DAPK3: variants seen among roughly 807,000 people sequenced by gnomAD.
DAPK3 encodes death associated protein kinase 3.
In DAPK3, 24 loss-of-function variants were observed where a neutral mutation model predicts 30.6. That is an observed-to-expected ratio of 0.78 (90% CI 0.57 to 1.10). DAPK3 has a LOEUF of 1.10. Ranked by LOEUF, DAPK3 falls within the 50% of genes least tolerant of loss-of-function variation. DAPK3 has a pLI of 0.00. For synonymous variants in DAPK3, 341 were observed against 284.0 expected (o/e 1.20, Z -2.02); for missense variants, 629 against 657.3 (o/e 0.96, Z 0.47).
At chr19:3,968,466 T>C (rs916037202) in intron 2 of DAPK3, among the ~76,000 whole-genome samples, 25 of 150,446 alleles carry the variant, frequency 1.7e-4, no homozygotes, top group Admixed American at 3.3e-4. Context: ...CAGAATGAGA[T>C]AGTGTCAAGG....
Position 3,959,207 on chromosome 19 carries a change from T to C in DAPK3, c.1259A>G (p.Tyr420Cys). The change falls in exon 9 of 9, where the codon TAC becomes TGC. Residue 420 changes from tyrosine to cysteine, a missense_variant. Physicochemically the swap from Tyr to Cys is radical, Grantham distance 194. Transcript: ENST00000545797. Reference protein sequence around the residue: ...KRRFSRLENRYEALAKQVASE... With the variant: ...KRRFSRLENRCEALAKQVASE... The stretch of plus-strand genomic sequence containing the variant: ...GGCTACTTGCTTGGCCAGCGCCTCG[T>C]AGCGGTTCTCCAGGCGGCTGAAGCG... 6 of 1,600,612 alleles carry C rather than the reference T, an allele frequency of 3.7e-6. No individual in the cohort carries two copies. The highest frequency in any genetic ancestry group is 5.1e-6 in the Non-Finnish European group (6 of 1,177,820).
chr19:3,964,023 G>A, intron 4 of DAPK3, 104 bp from the exon 5 acceptor site: 1 of 875,228 alleles, frequency 1.1e-6, no homozygotes, highest in South Asian at 1.5e-5. Flanking sequence ...CGCAGCCCTT[G>A]GGGGCATGAA....
At chr19:3,969,507 G>A (rs2304194) in intron 2 of DAPK3, among the ~76,000 whole-genome samples, 167 bp downstream of exon 2, 73,104 of 151,958 alleles carry the variant, frequency 0.48, 21,075 homozygotes, top group East Asian at 0.76. Flanking sequence ...ATTCACAGCC[G>A]GGGCTGTCTG....
In DAPK3 at chr19:3,958,760, G is replaced by C. The variant is rs1173052986; in HGVS notation, c.*341C>G. The C allele has an allele frequency of 1.0e-5, 5 of 497,964 alleles. No homozygotes were observed. The Admixed American group carries it at 1.6e-4, about 16-fold the overall frequency. The allele number at this position is 497,964 out of a possible 1,614,324, so 30.8% of individuals were successfully genotyped here. On this transcript the variant is annotated 3_prime_UTR_variant, in exon 9 of 9. Coordinates refer to ENST00000545797, the MANE Select transcript of DAPK3 (RefSeq NM_001348.3). ...GCAACTACCCGCAAACCCTCCTCCG[G>C]GCCTGAACCAGGGCTGCATTCGGGC...
chr19:3,964,050 C>T (rs2039547527), intron 4 of DAPK3, 131 bp from the exon 5 acceptor site: 1 of 813,682 alleles, frequency 1.2e-6, no homozygotes, highest in Admixed American at 2.2e-5. Flanking sequence ...AGAGCTGGCC[C>T]TCAGGGCCTG....
At chr19:3,970,557 C>G (rs1269001327) in intron 1 of DAPK3, 10 of 152,576 alleles carry the variant, frequency 6.6e-5, no homozygotes, top group African/African-American at 2.4e-4. Context: ...GCCTTCCACG[C>G]TCCTGAAAGC....
Position 3,959,261 on chromosome 19 carries a change from G to C in DAPK3, c.1205C>G (p.Ala402Gly), listed in dbSNP as rs967919275. Residue 402 changes from alanine to glycine, a missense_variant, in exon 9 of 9, where the codon GCG becomes GGG. Transcript: ENST00000545797. Reference sequence around the variant, plus strand: ...CTTGAGGCCGCTGGTCCCCAGCAGCGCGCCCTTGGCCTCCTCCTGCGCCTG... The same window carrying C: ...CTTGAGGCCGCTGGTCCCCAGCAGCCCGCCCTTGGCCTCCTCCTGCGCCTG... ...KRQAQEEAKGALLGTSGLKRR... is the reference protein window; with the variant it reads ...KRQAQEEAKGGLLGTSGLKRR... The C allele has an allele frequency of 6.3e-7, 1 of 1,599,086 alleles. No individual in the cohort carries two copies. Among genetic ancestry groups the C allele is most frequent in the South Asian group, 1.1e-5 (1 of 90,622 alleles).
At chr19:3,960,187 A>C in intron 7 of DAPK3, 83 bp from the exon 8 acceptor site, 1 of 763,128 alleles carries the variant, frequency 1.3e-6, no homozygotes, top group Non-Finnish European at 2.3e-6. Flanking sequence ...GGACCCCCAA[A>C]AGCCCTAAAG....
chr19:3,963,773 C>T, intron 5 of DAPK3, 98 bp downstream of exon 5: 1 of 1,248,208 alleles, frequency 8.0e-7, no homozygotes. Context: ...TCCCCCCATA[C>T]CCCAACAGCA....
At chr19:3,966,778 C>T (rs1017122245) in intron 2 of DAPK3, among the ~76,000 whole-genome samples, 4 of 152,344 alleles carry the variant, frequency 2.6e-5, no homozygotes, top group African/African-American at 7.2e-5. Flanking sequence ...AACCAGATTT[C>T]AGGTTCTGCC....
At position 3,958,784 on chromosome 19, in the gene DAPK3, G is replaced by C; in HGVS notation, c.*317C>G. 1 of 543,704 alleles carries C rather than the reference G, an allele frequency of 1.8e-6. No individual in the cohort carries two copies. The highest frequency in any genetic ancestry group is 3.3e-6 in the Non-Finnish European group (1 of 300,662). The allele number at this position is 543,704 out of a possible 1,614,324, so 33.7% of individuals were successfully genotyped here. ...GGGCCTGAACCAGGGCTGCATTCGG[G>C]CCGCCTCTGCGCCTCGGTGGGTCCC... On this transcript the variant is annotated 3_prime_UTR_variant, in exon 9 of 9. Transcript: ENST00000545797.
chr19:3,961,317 G>T (rs990270962), intron 6 of DAPK3, 156 bp from the exon 7 acceptor site: 2 of 735,478 alleles, frequency 2.7e-6, no homozygotes. Flanking sequence ...TTCCTGCAAC[G>T]ATCCCAGACA....
Position 3,964,824 on chromosome 19 carries a change from A to G in DAPK3, c.230T>C (p.Ile77Thr), listed in dbSNP as rs1274463588. The change falls in exon 3 of 9, where the codon ATC becomes ACC. Residue 77 changes from isoleucine (I) to threonine (T), a missense_variant. Around this residue, in one of 2 missense-constraint regions of DAPK3, gnomAD observed 306 missense variants for 378.5 expected, o/e 0.81. Transcript: ENST00000545797. ...ILREIRHPNI[I>T]TLHDIFENKT... ...GTTCTCGAAGATGTCGTGCAGGGTG[A>G]TGATGTTGGGGTGCCGGATCTCCCG... 6.2e-7 allele frequency: 1 copy of G among 1,612,700 alleles called. No homozygotes were observed. Among genetic ancestry groups the G allele is most frequent in the African/African-American group, 1.3e-5 (1 of 74,706 alleles).
chr19:3,966,155 T>C (rs368595818), intron 2 of DAPK3, among the ~76,000 whole-genome samples: 37 of 152,276 alleles, frequency 2.4e-4, no homozygotes, highest in African/African-American at 8.7e-4. Context: ...AGTCAGTCAG[T>C]GGCGGGAGGA....
At chr19:3,960,975 G>T in intron 7 of DAPK3, 34 bp downstream of exon 7, 2 of 1,609,272 alleles carry the variant, frequency 1.2e-6, no homozygotes. Context: ...TGTGTCCCAT[G>T]TCCCACCCCG....
Position 3,959,133 on chromosome 19 carries a change from T to C in DAPK3, c.1333A>G (p.Lys445Glu), listed in dbSNP as rs2039472675. ...AGCCCGCACTCCACGCCCTGCAGCT[T>C]CTCCTGCTCCAGGGCGCGCACGAGG... is the stretch of plus-strand genomic sequence containing the variant. ...QDLVRALEQE[K>E]LQGVECGLR The change falls in exon 9 of 9, where the codon AAG becomes GAG. Residue 445 changes from lysine (K) to glutamate (E), a missense_variant. By Grantham distance (56) the Lys-to-Glu change is moderately conservative. Transcript: ENST00000545797. The C allele has an allele frequency of 1.3e-6, 2 of 1,576,058 alleles. No individual in the cohort carries two copies. The highest frequency in any genetic ancestry group is 1.7e-6 in the Non-Finnish European group (2 of 1,165,242).
In DAPK3 at chr19:3,959,687, C is replaced by T. The variant is rs764725310; in HGVS notation, c.829-50G>A. 2.7e-6 allele frequency: 4 copies of T among 1,491,474 alleles called. No individual in the cohort carries two copies. The South Asian group carries it at 3.9e-5, about 15-fold the overall frequency. 92.4% of individuals were successfully genotyped at this position (1,491,474 alleles called of 1,614,324 possible). A position where few individuals can be genotyped will look rare whatever the true frequency, so the allele number is the denominator to read the frequency against. On this transcript the variant is annotated intron_variant, in intron 8 of 8. Transcript: ENST00000545797. ...GGGTCCCCGCGATGCCACCCAGCCC[C>T]GCCAGCCCCCACCTGCCAGTGTGAA...
chr19:3,958,678 C>T lies in DAPK3; in HGVS notation c.*423G>A. The T allele has an allele frequency of 2.7e-6, 1 of 374,232 alleles. No individual in the cohort carries two copies. The highest frequency in any genetic ancestry group is 2.0e-5 in the South Asian group (1 of 50,454). The allele number at this position is 374,232 out of a possible 1,614,324, so 23.2% of individuals were successfully genotyped here. On this transcript the variant is annotated 3_prime_UTR_variant, in exon 9 of 9. Coordinates refer to ENST00000545797, the MANE Select transcript of DAPK3 (RefSeq NM_001348.3). ...GCCGTCCATCCCACCCTCCCCGTCC[C>T]ACGACCTCCTCCTGGGCTAATGGCA...
rs147855351 is a variant in DAPK3 at position 3,965,240 on chromosome 19, G to C, written c.63-249C>G. ...GCTATGCCCAGCAGGTGTGTGGAGG[G>C]GAGTGCAGAGCCACACGTTAACACC... On this transcript the variant is annotated intron_variant, in intron 2 of 8. Transcript: ENST00000545797. 7.7e-3 allele frequency among the ~76,000 whole-genome samples: 1,170 copies of C among 152,342 alleles called. 19 individuals carry two copies. Among genetic ancestry groups the C allele is most frequent in the African/African-American group, 0.027 (1,117 of 41,568 alleles).
Sources: gnomAD v4.1 joint callset for allele counts (sites outside exome capture counted in the v4.1 genomes callset) on GRCh38, gnomAD v4.1.1 for gene constraint, gnomAD v4.1.1 regional missense constraint, MANE v1.5 for transcripts, NCBI Gene and HGNC (gene_info 2026-07-23, HGNC 2026-07-21) for gene names.